Variants in SLC28A2 observed in about 807,000 individuals in gnomAD.
SLC28A2 encodes sodium/nucleoside cotransporter 2.
Under a neutral mutation model 72.9 loss-of-function variants are expected in SLC28A2, and 69 were observed. That is an observed-to-expected ratio of 0.95 (90% CI 0.78 to 1.16). The LOEUF is 1.16. SLC28A2 is among the 50% of genes most tolerant of loss of function. The pLI, the probability that SLC28A2 is intolerant of heterozygous loss-of-function variation, is 0.00. For missense variants in SLC28A2, 745 were observed against 791.1 expected (o/e 0.94, Z 0.70); for synonymous variants, 296 against 294.1 (o/e 1.01, Z -0.07).
rs1021425369 is a variant in SLC28A2, at chr15:45,265,142, G to T, written c.756G>T (p.Leu252=). Reference sequence around the variant, plus strand: ...CCAGTTTTGTCTTTGGGGATACACTGGTCAAGGATGTCTTTGCTTTTCAGG... The same window carrying T: ...CCAGTTTTGTCTTTGGGGATACACTTGTCAAGGATGTCTTTGCTTTTCAGG... ...AGSSFVFGDT[L]VKDVFAFQAL... is the part of the protein sequence containing the mutation. Residue 252 remains leucine (L), a synonymous_variant, in exon 8 of 18, where the codon CTG becomes CTT. Transcript: ENST00000347644. 6.2e-7 allele frequency: 1 copy of T among 1,610,722 alleles called. No homozygotes were observed. The highest frequency in any genetic ancestry group is 1.1e-5 in the South Asian group (1 of 91,006).
In SLC28A2 at chr15:45,269,381, G is replaced by A. The variant is rs1595680670; in HGVS notation, c.1412G>A (p.Gly471Asp). The A allele has an allele frequency of 6.2e-7, 1 of 1,614,042 alleles. No homozygotes were observed. ...CTAAGGCCCATGGTTTTCATGATGG[G>A]TGTAGAGTGGACAGACTGTCCAATG... ...YLLRPMVFMMGVEWTDCPMVA... is the reference protein window; with the variant it reads ...YLLRPMVFMMDVEWTDCPMVA... Residue 471 changes from glycine to aspartate, a missense_variant, in exon 14 of 18, where the codon GGT (glycine) becomes GAT (aspartate). Physicochemically the swap from Gly to Asp is moderately conservative, Grantham distance 94. Coordinates refer to ENST00000347644, the MANE Select transcript of SLC28A2 (RefSeq NM_004212.4).
intron 14 of SLC28A2, among the ~76,000 whole-genome samples, chr15:45,269,746 C>T (rs988658941): frequency 6.6e-6 from 1 of 152,306 alleles, no homozygotes; most frequent in African/African-American, 2.4e-5. Flanking sequence ...TTCCCCCTGC[C>T]ACCCCCACCA....
At position 45,267,305 on chromosome 15, in the gene SLC28A2, G is replaced by A. The variant is rs560974686; in HGVS notation, c.943-150G>A. 8.4e-4 allele frequency: 694 copies of A among 824,038 alleles called. 1 individual carries two copies. In the Middle Eastern group the frequency reaches 9.1e-3, roughly 11 times the overall value. 51.0% of individuals were successfully genotyped at this position (824,038 alleles called of 1,614,324 possible). A position where few individuals can be genotyped will look rare whatever the true frequency, so the allele number is the denominator to read the frequency against. Reference sequence around the variant, plus strand: ...TGGATGGGCCTGACAGCCGGGCTCCGTGCTCACTAAGTGAAGCTGTGGCTC... The same window carrying A: ...TGGATGGGCCTGACAGCCGGGCTCCATGCTCACTAAGTGAAGCTGTGGCTC... On this transcript the variant is annotated intron_variant, in intron 10 of 17. Coordinates refer to ENST00000347644, the MANE Select transcript of SLC28A2 (RefSeq NM_004212.4).
At chr15:45,255,972 T>C (rs371321607) in intron 3 of SLC28A2, 2 of 152,246 alleles carry the variant, frequency 1.3e-5, no homozygotes, top group African/African-American at 4.8e-5. Flanking sequence ...GCAAGTTATT[T>C]ACCCTCTCTA....
chr15:45,253,206 A>G lies in SLC28A2; in HGVS notation c.-10A>G. ...CCCTGAATTTGTTTTTCAGTTGAGG[A>G]GAACAGGAGATGGAGAAAGCAAGTG... On this transcript the variant is annotated 5_prime_UTR_variant, in exon 2 of 18. Coordinates refer to ENST00000347644, the MANE Select transcript of SLC28A2 (RefSeq NM_004212.4). The G allele has an allele frequency of 6.2e-7, 1 of 1,606,814 alleles. No individual in the cohort carries two copies. Among genetic ancestry groups the G allele is most frequent in the East Asian group, 2.2e-5 (1 of 44,866 alleles).
Position 45,268,205 on chromosome 15 carries a change from C to T in SLC28A2, c.1200-5C>T. 6.3e-7 allele frequency: 1 copy of T among 1,596,364 alleles called. No homozygotes were observed. Among genetic ancestry groups the T allele is most frequent in the South Asian group, 1.1e-5 (1 of 90,446 alleles). ...CTACTCTTGCCCTCTGCCCAATAACCACAGGAAGGAGAGGAATGTCCTGGA... is the reference window on the plus strand; with the variant it reads ...CTACTCTTGCCCTCTGCCCAATAACTACAGGAAGGAGAGGAATGTCCTGGA... On this transcript the variant is annotated splice_polypyrimidine_tract_variant and splice_region_variant and intron_variant, in intron 12 of 17. Coordinates refer to ENST00000347644, the MANE Select transcript of SLC28A2 (RefSeq NM_004212.4).
Position 45,267,793 on chromosome 15 carries a change from G to A in SLC28A2, c.1196G>A (p.Arg399His), listed in dbSNP as rs756694251. ...AGTGAGGAGGGGGTAAAGCTGCCCCGTGGGTGAGTCCAAGGAGGCATATAC... is the reference window on the plus strand; with the variant it reads ...AGTGAGGAGGGGGTAAAGCTGCCCCATGGGTGAGTCCAAGGAGGCATATAC... ...FKSEEGVKLPRGKERNVLEAA... is the reference protein window; with the variant it reads ...FKSEEGVKLPHGKERNVLEAA... Residue 399 changes from arginine to histidine, a missense_variant, in exon 12 of 18, where the codon CGT becomes CAT. Physicochemically the swap from Arg to His is conservative, Grantham distance 29 (BLOSUM62 0). Transcript: ENST00000347644. 9.3e-6 allele frequency: 15 copies of A among 1,613,838 alleles called. No individual in the cohort carries two copies. Among genetic ancestry groups the A allele is most frequent in the South Asian group, 3.3e-5 (3 of 91,032 alleles).
intron 3 of SLC28A2, 139 bp downstream of exon 3, chr15:45,253,659 T>A: frequency 1.8e-6 from 1 of 565,784 alleles, no homozygotes. Flanking sequence ...ATTAATTAAC[T>A]TAAACATGTG....
chr15:45,274,564 G>A (rs1900689975), intron 17 of SLC28A2, among the ~76,000 whole-genome samples: 1 of 152,182 alleles, frequency 6.6e-6, no homozygotes, highest in Non-Finnish European at 1.5e-5. Flanking sequence ...TACATAGCTA[G>A]ATATTCAGGT....
At chr15:45,269,252 G>T (rs1567061461) in intron 13 of SLC28A2, 86 bp from the exon 14 acceptor site, 23 of 1,049,996 alleles carry the variant, frequency 2.2e-5, no homozygotes, top group Non-Finnish European at 7.3e-6. Context: ...GGAAGAGATT[G>T]GGCCAAGGCT....
chr15:45,259,994 G>T (rs1900102084), intron 3 of SLC28A2, among the ~76,000 whole-genome samples: 1 of 152,124 alleles, frequency 6.6e-6, no homozygotes, highest in Non-Finnish European at 1.5e-5. Context: ...ATCGGTTTAG[G>T]TCCCAACAGG....
intron 3 of SLC28A2, among the ~76,000 whole-genome samples, chr15:45,258,418 A>G (rs938605853): frequency 6.6e-6 from 1 of 152,122 alleles, no homozygotes; most frequent in African/African-American, 2.4e-5. Context: ...AGTGAATACA[A>G]CCATATGACC....
intron 3 of SLC28A2, among the ~76,000 whole-genome samples, chr15:45,260,379 C>T (rs1009683805): frequency 6.6e-6 from 1 of 152,102 alleles, no homozygotes; most frequent in South Asian, 2.1e-4. Context: ...AGGAGCACAC[C>T]AAAGATATCT....
At chr15:45,265,785 C>A (rs1900314538) in intron 9 of SLC28A2, 122 bp downstream of exon 9, 3 of 744,290 alleles carry the variant, frequency 4.0e-6, no homozygotes, top group Middle Eastern at 4.7e-4. Context: ...CAGGCCCTCT[C>A]AAGCATGCCT....
intron 16 of SLC28A2, 98 bp from the exon 17 acceptor site, chr15:45,272,575 C>T: frequency 1.2e-6 from 1 of 850,948 alleles, no homozygotes; most frequent in Admixed American, 2.0e-5. Context: ...GGCAAAGGCA[C>T]CTAATCAAGA....
intron 16 of SLC28A2, 30 bp downstream of exon 16, chr15:45,272,423 G>A (rs1181676149): frequency 1.3e-6 from 2 of 1,505,836 alleles, no homozygotes; most frequent in Non-Finnish European, 1.8e-6. Context: ...TGGAGATACT[G>A]CTGCATGAGG....
intron 15 of SLC28A2, among the ~76,000 whole-genome samples, chr15:45,270,614 ATATT>A (rs199782684): frequency 8.6e-5 from 13 of 151,750 alleles, no homozygotes; most frequent in East Asian, 5.8e-4. Flanking sequence ...ATAAATAAAG[ATATT>A]TATTTATTTA....
chr15:45,255,836 C>T lies in SLC28A2; in HGVS notation c.170+2316C>T, dbSNP rs58185472. The T allele has an allele frequency of 7.9e-5, 12 of 152,190 alleles. 1 individual carries two copies. Among genetic ancestry groups the T allele is most frequent in the African/African-American group, 2.4e-4 (10 of 41,532 alleles). The allele number at this position is 152,190 out of a possible 1,614,324, so 9.4% of individuals were successfully genotyped here. A position where few individuals can be genotyped will look rare whatever the true frequency, so the allele number is the denominator to read the frequency against. On this transcript the variant is annotated intron_variant, in intron 3 of 17. Transcript: ENST00000347644. Reference sequence around the variant, plus strand: ...TTGTCTTTAATGTAATTTAATTATACGTTTATATAGTTTTAATTTTTAGTA... The same window carrying T: ...TTGTCTTTAATGTAATTTAATTATATGTTTATATAGTTTTAATTTTTAGTA...
chr15:45,257,200 G>A (rs182590647), intron 3 of SLC28A2, among the ~76,000 whole-genome samples: 1 of 152,228 alleles, frequency 6.6e-6, no homozygotes, highest in Non-Finnish European at 1.5e-5. Context: ...CTCAACTCAA[G>A]AGCAATCATG....
Sources: allele counts gnomAD v4.1 joint callset (sites outside exome capture counted in the v4.1 genomes callset), GRCh38; gene constraint gnomAD v4.1.1; transcripts MANE v1.5; gene names NCBI Gene and HGNC (gene_info 2026-07-23, HGNC 2026-07-21).